RGL1: variants seen among roughly 807,000 people sequenced by gnomAD.
The protein encoded by RGL1 is ral guanine nucleotide dissociation stimulator like 1, also known as ral guanine nucleotide dissociation stimulator-like 1.
A neutral mutation model predicts 95.2 loss-of-function variants in RGL1; 24 were observed. The ratio of observed to expected loss-of-function variants is 0.25; its 90% CI spans 0.18 to 0.35. The LOEUF (loss-of-function observed/expected upper bound fraction) is 0.35. Among genes scored for constraint, RGL1 ranks in the 10% least tolerant of loss-of-function variants. RGL1 has a pLI of 1.00. For synonymous variants in RGL1, 329 were observed against 344.9 expected (o/e 0.95, Z 0.51); for missense variants, 715 against 936.3 (o/e 0.76, Z 3.08).
intron 2 of RGL1, among the ~76,000 whole-genome samples, chr1:183,818,558 C>A (rs1662237768): frequency 6.6e-6 from 1 of 151,308 alleles, no homozygotes; most frequent in African/African-American, 2.4e-5. Context: ...AGCACTTTAC[C>A]AAAAGCTGTA....
intron 1 of RGL1, among the ~76,000 whole-genome samples, chr1:183,704,863 G>A (rs1654806619): frequency 6.6e-6 from 1 of 152,238 alleles, no homozygotes; most frequent in African/African-American, 2.4e-5. Context: ...GAGGATAGCA[G>A]CTGCCGCCAA....
chr1:183,795,300 T>C (rs370399583), intron 2 of RGL1, among the ~76,000 whole-genome samples: 2 of 152,250 alleles, frequency 1.3e-5, no homozygotes, highest in Non-Finnish European at 2.9e-5. Flanking sequence ...CATGCTTTGA[T>C]AGAGTTAACA....
intron 2 of RGL1, among the ~76,000 whole-genome samples, chr1:183,815,231 G>A (rs943868815): frequency 1.3e-5 from 2 of 151,076 alleles, no homozygotes; most frequent in African/African-American, 4.9e-5. Flanking sequence ...CAGAAATGGT[G>A]CCACTGCACT....
At chr1:183,868,559 T>C (rs1245875956) in intron 4 of RGL1, among the ~76,000 whole-genome samples, 1 of 152,184 alleles carries the variant, frequency 6.6e-6, no homozygotes, top group Non-Finnish European at 1.5e-5. Context: ...TCTCAAGTGA[T>C]TCCTAAGCAC....
intron 2 of RGL1, among the ~76,000 whole-genome samples, chr1:183,770,584 C>A (rs1321833286): frequency 1.3e-5 from 2 of 152,208 alleles, no homozygotes; most frequent in Non-Finnish European, 2.9e-5. Flanking sequence ...TCCGTCTCCT[C>A]AACTAAAATT....
chr1:183,684,876 G>A (rs76792069), intron 1 of RGL1, among the ~76,000 whole-genome samples: 12,301 of 152,154 alleles, frequency 0.081, 917 homozygotes, highest in African/African-American at 0.2. Context: ...CTGGTTGAGA[G>A]GACGCCCCCA....
intron 2 of RGL1, among the ~76,000 whole-genome samples, chr1:183,829,266 C>T (rs889107949): frequency 6.6e-6 from 1 of 151,694 alleles, no homozygotes; most frequent in Non-Finnish European, 1.5e-5. Flanking sequence ...ATAGTGAGAC[C>T]TCGTCTCTAT....
rs994895738 is a variant in RGL1, at chr1:183,686,108, A to G, written c.-33+49607A>G. On this transcript the variant is annotated intron_variant, in intron 1 of 18. Coordinates refer to the RGL1 transcript ENST00000304685. ...TCTTGAAAATAGTTCATGGGTTACT[A>G]TTTTTTTCATTAGTTATATATGTCA... 9.9e-5 allele frequency among the ~76,000 whole-genome samples: 15 copies of G among 152,208 alleles called. No individual in the cohort carries two copies. The East Asian group carries it at 2.9e-3, about 29-fold the overall frequency.
At chr1:183,720,581 T>C (rs2102203096) in intron 1 of RGL1, among the ~76,000 whole-genome samples, 1 of 152,378 alleles carries the variant, frequency 6.6e-6, no homozygotes, top group East Asian at 1.9e-4. Context: ...GTCATACTAC[T>C]GACTTGTCAA....
chr1:183,915,475 T>C (rs73049208), intron 15 of RGL1, among the ~76,000 whole-genome samples: 89 of 152,364 alleles, frequency 5.8e-4, no homozygotes, highest in African/African-American at 2.1e-3. Context: ...GAAAAGCATA[T>C]TAACTGTAGT....
chr1:183,805,977 T>C (rs1226973821), intron 1 of RGL1, among the ~76,000 whole-genome samples: 1 of 24,970 alleles, frequency 4.0e-5, no homozygotes, highest in African/African-American at 2.1e-4. Flanking sequence ...TTTTCTTTTT[T>C]TTTTTTTTTT....
Position 183,687,793 on chromosome 1 carries a change from G to A in RGL1, c.-33+51292G>A, listed in dbSNP as rs145648223. Among the ~76,000 whole-genome samples the A allele has an allele frequency of 2.7e-3, 408 of 152,216 alleles. 5 individuals carry two copies. The highest frequency in any genetic ancestry group is 0.016 in the Admixed American group (252 of 15,286). The stretch of plus-strand genomic sequence containing the variant: ...TTGAATAAAGAGGAACTCGATACCG[G>A]GCCAATGAATAAATTTTTAAAACTG... On this transcript the variant is annotated intron_variant, in intron 1 of 18. Coordinates refer to the RGL1 transcript ENST00000304685.
At chr1:183,735,086 A>G (rs1256132500) in intron 1 of RGL1, among the ~76,000 whole-genome samples, 1 of 151,800 alleles carries the variant, frequency 6.6e-6, no homozygotes, top group Non-Finnish European at 1.5e-5. Flanking sequence ...TTTAATTATT[A>G]AAAACTTTGG....
intron 1 of RGL1, among the ~76,000 whole-genome samples, chr1:183,661,252 A>G (rs12028592): frequency 0.069 from 10,460 of 152,256 alleles, 624 homozygotes; most frequent in African/African-American, 0.16. Context: ...CCCTTCAAAA[A>G]ATTAATGAAT....
At chr1:183,684,568 G>A (rs114460405) in intron 1 of RGL1, among the ~76,000 whole-genome samples, 12,301 of 152,122 alleles carry the variant, frequency 0.081, 919 homozygotes, top group African/African-American at 0.2. Context: ...TTGCCTCCCT[G>A]GCTTCAGCCC....
chr1:183,694,558 C>G (rs1654148410), intron 1 of RGL1, among the ~76,000 whole-genome samples: 1 of 152,192 alleles, frequency 6.6e-6, no homozygotes. Flanking sequence ...AAGCATTTGT[C>G]TTTTAGCTTG....
chr1:183,809,353 T>C (rs975337268), intron 2 of RGL1, among the ~76,000 whole-genome samples: 2 of 152,226 alleles, frequency 1.3e-5, no homozygotes, highest in African/African-American at 2.4e-5. Context: ...CTTTTTTATT[T>C]TGTCTGTTAA....
chr1:183,728,890 A>C (rs1656463879), intron 1 of RGL1, among the ~76,000 whole-genome samples: 1 of 152,184 alleles, frequency 6.6e-6, no homozygotes, highest in South Asian at 2.1e-4. Context: ...TATGGAAAGG[A>C]ATACCTTTTC....
intron 1 of RGL1, among the ~76,000 whole-genome samples, chr1:183,704,914 A>G (rs564918217): frequency 6.6e-6 from 1 of 152,334 alleles, no homozygotes; most frequent in African/African-American, 2.4e-5. Flanking sequence ...TGTGGCTTCA[A>G]GCTGTTTAGG....
Sources: allele counts gnomAD v4.1 joint callset (sites outside exome capture counted in the v4.1 genomes callset), GRCh38; gene constraint gnomAD v4.1.1; transcripts MANE v1.5; gene names NCBI Gene and HGNC (gene_info 2026-07-23, HGNC 2026-07-21).